The following SIPA1L2 variants were observed in gnomAD, a reference collection of about 807,000 sequenced individuals.
SIPA1L2 encodes the protein signal-induced proliferation-associated 1-like protein 2.
SIPA1L2 carries 56 observed loss-of-function variants against 163.9 expected under a neutral mutation model. The ratio of observed to expected loss-of-function variants is 0.34; its 90% confidence interval spans 0.28 to 0.43. The LOEUF (loss-of-function observed/expected upper bound fraction) is 0.43, where lower values mean the gene tolerates loss of function less well. Among genes scored for constraint, SIPA1L2 ranks in the 20% least tolerant of loss-of-function variants. The pLI is 1.00. For missense variants in SIPA1L2, 1,974 were observed against 2,193.5 expected (o/e 0.90, Z 2.00); for synonymous variants, 877 against 865.7 (o/e 1.01, Z -0.23).
chr1:232,568,974 G>C (rs1659565277), intron 2 of SIPA1L2, among the ~76,000 whole-genome samples: 1 of 152,098 alleles, frequency 6.6e-6, no homozygotes, highest in Admixed American at 6.6e-5. Context: ...ACAAACTCTT[G>C]ACGGGGAAGG....
chr1:232,568,171 G>T (rs1268675457), intron 2 of SIPA1L2, among the ~76,000 whole-genome samples: 1 of 152,174 alleles, frequency 6.6e-6, no homozygotes, highest in Admixed American at 6.5e-5. Flanking sequence ...ATCCAACGAG[G>T]GCGTTGTGGA....
rs780723482 is a variant in SIPA1L2, at chr1:232,514,073, G to A, written c.1267C>T (p.Arg423Trp). 14 of 1,614,052 alleles carry A rather than the reference G, an allele frequency of 8.7e-6. No homozygotes were observed. In the South Asian group the frequency reaches 8.8e-5, roughly 10 times the overall value. ...GAGTTGGCTCGAGAGAGCGCAATCC[G>A]CCTGTCGCCTTCCCCTCCAGTCTCA... is the stretch of plus-strand genomic sequence containing the variant. ...RNETGGEGDR[R>W]IALSRANSSS... Residue 423 changes from arginine to tryptophan, a missense_variant, in exon 3 of 23, where the codon CGG (arginine) becomes TGG (tryptophan). By Grantham distance (101) the Arg-to-Trp change is moderately radical (BLOSUM62 -3). Coordinates refer to ENST00000674635, the MANE Select transcript of SIPA1L2 (RefSeq NM_020808.5).
intron 1 of SIPA1L2, among the ~76,000 whole-genome samples, chr1:232,598,389 G>T (rs1304845653): frequency 6.6e-6 from 1 of 152,192 alleles, no homozygotes; most frequent in East Asian, 1.9e-4. Flanking sequence ...CCAGCTGAGT[G>T]ACAGAATGAA....
At chr1:232,424,541 A>G (rs1009477904) in intron 18 of SIPA1L2, among the ~76,000 whole-genome samples, 1 of 152,150 alleles carries the variant, frequency 6.6e-6, no homozygotes, top group Non-Finnish European at 1.5e-5. Context: ...CAAAAAAGAG[A>G]AAACAGCTGG....
Position 232,493,644 on chromosome 1 carries a change from A to C in SIPA1L2, c.1500T>G (p.Phe500Leu). Residue 500 changes from phenylalanine to leucine, a missense_variant, in exon 4 of 23, where the codon TTT (phenylalanine) becomes TTG (leucine). By Grantham distance (22) the Phe-to-Leu change is conservative (BLOSUM62 0). This residue lies in a region of SIPA1L2 where 607 missense variants were observed against 624.0 expected (regional missense o/e 0.97). Transcript: ENST00000674635. The stretch of plus-strand genomic sequence containing the variant: ...CTGGACCAAGGTTTTCATCTATTCC[A>C]AAGTAGTTTTGGTGCTCTATAATGG... ...FFYGKEHQNY[F>L]GIDENLGPVA... 1 of 1,614,066 alleles carries C rather than the reference A, an allele frequency of 6.2e-7. No individual in the cohort carries two copies. The highest frequency in any genetic ancestry group is 2.2e-5 in the East Asian group (1 of 44,862).
At chr1:232,605,239 C>A (rs1327584172) in intron 1 of SIPA1L2, among the ~76,000 whole-genome samples, 1 of 152,180 alleles carries the variant, frequency 6.6e-6, no homozygotes, top group East Asian at 1.9e-4. Flanking sequence ...GTGTCAAACT[C>A]CTGGGCTCAA....
At chr1:232,601,534 T>C (rs879397726) in intron 1 of SIPA1L2, among the ~76,000 whole-genome samples, 10 of 152,214 alleles carry the variant, frequency 6.6e-5, no homozygotes, top group Non-Finnish European at 1.0e-4. Flanking sequence ...TAGCCCATGG[T>C]CCCTTGAATC....
At chr1:232,523,453 T>C (rs1420956070) in intron 2 of SIPA1L2, among the ~76,000 whole-genome samples, 1 of 152,186 alleles carries the variant, frequency 6.6e-6, no homozygotes, top group Non-Finnish European at 1.5e-5. Context: ...TTCCAATTAA[T>C]AATTTAAGCA....
chr1:232,458,720 C>T (rs567825840), intron 10 of SIPA1L2, among the ~76,000 whole-genome samples: 1 of 152,262 alleles, frequency 6.6e-6, no homozygotes, highest in Non-Finnish European at 1.5e-5. Flanking sequence ...AGACAGAAAT[C>T]TTACTGTATG....
chr1:232,549,256 C>G (rs946177986), intron 2 of SIPA1L2, among the ~76,000 whole-genome samples: 2 of 152,192 alleles, frequency 1.3e-5, no homozygotes, highest in Non-Finnish European at 2.9e-5. Context: ...CTCCTTTTAG[C>G]TGACACAGAA....
At chr1:232,622,422 T>G (rs1390652418) in intron 1 of SIPA1L2, among the ~76,000 whole-genome samples, 2 of 152,256 alleles carry the variant, frequency 1.3e-5, no homozygotes, top group Non-Finnish European at 2.9e-5. Context: ...GCTAATGGAC[T>G]GAGAGCTAAA....
At chr1:232,489,381 CAT>C (rs1222197728) in intron 5 of SIPA1L2, among the ~76,000 whole-genome samples, 3 of 152,254 alleles carry the variant, frequency 2.0e-5, no homozygotes, top group Non-Finnish European at 2.9e-5. Flanking sequence ...ATATATTGTT[CAT>C]ATATATGTTT....
chr1:232,554,417 T>C (rs954301924), intron 2 of SIPA1L2, among the ~76,000 whole-genome samples: 5 of 152,222 alleles, frequency 3.3e-5, no homozygotes, highest in Admixed American at 3.3e-4. Context: ...ATATTTACAT[T>C]TAAAGTCCTA....
chr1:232,444,487 T>C (rs777411101), intron 11 of SIPA1L2, among the ~76,000 whole-genome samples: 11 of 152,174 alleles, frequency 7.2e-5, no homozygotes, highest in Non-Finnish European at 1.3e-4. Context: ...GCCAAGATGA[T>C]TGAATGTTAA....
At chr1:232,623,698 C>T (rs183915437) in intron 1 of SIPA1L2, among the ~76,000 whole-genome samples, 24 of 152,138 alleles carry the variant, frequency 1.6e-4, no homozygotes, top group Non-Finnish European at 1.2e-4. Context: ...TAACCTCCTA[C>T]CCCTCAATAA....
chr1:232,525,233 CTTTTTT>C (rs11389753), intron 2 of SIPA1L2, among the ~76,000 whole-genome samples: 4 of 102,940 alleles, frequency 3.9e-5, no homozygotes, highest in Non-Finnish European at 5.4e-5. Flanking sequence ...ATAATAATAG[CTTTTTT>C]TTTTTTTTTT....
intron 7 of SIPA1L2, among the ~76,000 whole-genome samples, chr1:232,478,644 G>A (rs1346459684): frequency 6.6e-6 from 1 of 152,188 alleles, no homozygotes; most frequent in Non-Finnish European, 1.5e-5. Context: ...TATCAGTTAA[G>A]TGACATTCAG....
At chr1:232,625,394 C>G (rs1288052357) in intron 1 of SIPA1L2, among the ~76,000 whole-genome samples, 1 of 152,148 alleles carries the variant, frequency 6.6e-6, no homozygotes, top group African/African-American at 2.4e-5. Context: ...TAATCAAATT[C>G]TAAAAAGCAT....
At chr1:232,629,779 T>C (rs1663285534) in intron 1 of SIPA1L2, among the ~76,000 whole-genome samples, 90 bp downstream of exon 1, 1 of 151,152 alleles carries the variant, frequency 6.6e-6, no homozygotes. Context: ...CCGAAGGGCA[T>C]CCCCTTCCCC....
Sources: gnomAD v4.1 joint callset for allele counts (sites outside exome capture counted in the v4.1 genomes callset) on GRCh38, gnomAD v4.1.1 for gene constraint, gnomAD v4.1.1 regional missense constraint, MANE v1.5 for transcripts, NCBI Gene and HGNC (gene_info 2026-07-23, HGNC 2026-07-21) for gene names.